Variants in TNRC18 observed in about 807,000 individuals in gnomAD.
TNRC18 encodes trinucleotide repeat containing 18, also known as trinucleotide repeat-containing gene 18 protein.
Under a neutral mutation model 226.7 loss-of-function variants are expected in TNRC18, and 69 were observed. That is an observed-to-expected ratio of 0.30 (90% CI 0.25 to 0.37). The LOEUF (loss-of-function observed/expected upper bound fraction) is 0.37, where lower values mean the gene tolerates loss of function less well. Ranked by LOEUF, TNRC18 falls within the 10% of genes least tolerant of loss-of-function variation. The pLI is 1.00. For synonymous variants in TNRC18, 2,449 were observed against 1,927.6 expected (o/e 1.27, Z -7.09); for missense variants, 4,754 against 4,256.6 (o/e 1.12, Z -3.25).
chr7:5,356,816 G>C (rs1792457660), intron 16 of TNRC18, 100 bp downstream of exon 16: 3 of 1,373,066 alleles, frequency 2.2e-6, no homozygotes, highest in South Asian at 3.0e-5. Flanking sequence ...GAGAGCGAGA[G>C]AGAGAGTGAG....
At chr7:5,359,319 A>G in intron 15 of TNRC18, 79 bp downstream of exon 15, 1 of 1,464,604 alleles carries the variant, frequency 6.8e-7, no homozygotes, top group South Asian at 1.2e-5. Context: ...AGGGCCTGCG[A>G]AGGGAGCGTG....
Position 5,370,808 on chromosome 7 carries a change from C to T in TNRC18, c.3786G>A (p.Val1262=). ...CCACGGGCACCGCCACAGGCACCTC[C>T]ACCGGCTCCTCCTTGGCCTCCACCA... ...ETLVEAKEEP[V]EVPVAVPVVE... is the part of the protein sequence containing the mutation. The change falls in exon 11 of 30, where the codon GTG becomes GTA. Residue 1262 remains valine, a synonymous_variant. Coordinates refer to ENST00000430969, the MANE Select transcript of TNRC18 (RefSeq NM_001080495.3). The T allele has an allele frequency of 1.2e-6, 2 of 1,608,442 alleles. No individual in the cohort carries two copies. Among genetic ancestry groups the T allele is most frequent in the Non-Finnish European group, 1.7e-6 (2 of 1,178,732 alleles).
chr7:5,381,440 A>G (rs1224181191), intron 5 of TNRC18, among the ~76,000 whole-genome samples: 4 of 151,992 alleles, frequency 2.6e-5, no homozygotes, highest in Non-Finnish European at 5.9e-5. Flanking sequence ...CCACCATCAG[A>G]GCTCAGCTTC....
intron 29 of TNRC18, 54 bp downstream of exon 29, chr7:5,308,821 C>T (rs545086125): frequency 2.1e-5 from 33 of 1,536,756 alleles, no homozygotes; most frequent in South Asian, 4.8e-5. Context: ...CTGAGCTGCC[C>T]GGAAGGAAGC....
rs772184332 is a variant in TNRC18 at position 5,308,117 on chromosome 7, C to T, written c.8896G>A (p.Val2966Met). 9.7e-6 allele frequency: 15 copies of T among 1,551,534 alleles called. No homozygotes were observed. In the Admixed American group the frequency reaches 9.8e-5, roughly 10 times the overall value. Residue 2966 changes from valine (V) to methionine (M), a missense_variant, in exon 30 of 30, where the codon GTG (valine) becomes ATG (methionine). Physicochemically the swap from Val to Met is conservative, Grantham distance 21. Coordinates refer to ENST00000430969, the MANE Select transcript of TNRC18 (RefSeq NM_001080495.3). The part of the protein sequence containing the change: ...GMIFSTDGVP[V>M]LC ...AGGGCCCGGCGGGCTCAGCAGAGCACGGGCACGCCGTCCGTGGAGAAGATC... is the reference window on the plus strand; with the variant it reads ...AGGGCCCGGCGGGCTCAGCAGAGCATGGGCACGCCGTCCGTGGAGAAGATC...
rs373378731 is a variant in TNRC18 at position 5,377,603 on chromosome 7, G to A, written c.2256-27C>T. On this transcript the variant is annotated intron_variant, in intron 6 of 29. Transcript: ENST00000430969. The surrounding 1 kb of genome is among the most constrained non-coding windows in gnomAD (Gnocchi z 5.8). ...TGGAAGGAGGATCATAGGTGTCAGC[G>A]ACAGCTCGGACAGCCCAGGGGACGA... 1.0e-4 allele frequency: 158 copies of A among 1,546,836 alleles called. 1 individual carries two copies. In the South Asian group the frequency reaches 1.6e-3, roughly 16 times the overall value.
chr7:5,389,029 GA>G lies in TNRC18; in HGVS notation c.794del (p.Phe265SerfsTer17). On this transcript the variant is annotated frameshift_variant, in exon 5 of 30. Coordinates refer to ENST00000430969, the MANE Select transcript of TNRC18 (RefSeq NM_001080495.3). LOFTEE classifies it high-confidence loss of function. ...PPRLAERLSP[F>X]LAESKTKNAA... ...CATTCTTGGTCTTGGACTCAGCCAG[GA>G]AGGGCGACAGGCGCTCAGCCAGGCG... 3 of 1,316,816 alleles carry G rather than the reference GA, an allele frequency of 2.3e-6. No homozygotes were observed. The highest frequency in any genetic ancestry group is 2.9e-6 in the Non-Finnish European group (3 of 1,023,744). 81.6% of individuals were successfully genotyped at this position (1,316,816 alleles called of 1,614,324 possible). A position where few individuals can be genotyped will look rare whatever the true frequency, so the allele number is the denominator to read the frequency against.
chr7:5,412,985 A>C (rs550716382), intron 2 of TNRC18, among the ~76,000 whole-genome samples: 73 of 152,312 alleles, frequency 4.8e-4, no homozygotes, highest in Non-Finnish European at 7.6e-4. Context: ...AGTGGCCTAG[A>C]CTTCCTCCCA....
rs967276996 is a variant in TNRC18, at chr7:5,388,318, C to A, written c.1506G>T (p.Pro502=). ...KLFGLEPGRP[P]PTGPEHKWKP... ...TCCATTTATGCTCAGGGCCGGTGGGCGGGGGGCGCCCGGGCTCCAGGCCGA... is the reference window on the plus strand; with the variant it reads ...TCCATTTATGCTCAGGGCCGGTGGGAGGGGGGCGCCCGGGCTCCAGGCCGA... Residue 502 remains proline, a synonymous_variant, in exon 5 of 30, where the codon CCG becomes CCT. Transcript: ENST00000430969. 5.2e-6 allele frequency: 4 copies of A among 768,338 alleles called. No individual in the cohort carries two copies. The African/African-American group carries it at 7.2e-5, about 14-fold the overall frequency. The allele number at this position is 768,338 out of a possible 1,614,324, so 47.6% of individuals were successfully genotyped here.
intron 2 of TNRC18, among the ~76,000 whole-genome samples, chr7:5,401,865 A>G (rs963711819): frequency 6.6e-6 from 1 of 152,054 alleles, no homozygotes; most frequent in Non-Finnish European, 1.5e-5. Context: ...AAGTGGGAGG[A>G]CCGCCGGGAG....
Position 5,389,248 on chromosome 7 carries a change from CGAG to C in TNRC18, c.573_575del (p.Ser192del). The C allele has an allele frequency of 1.5e-6, 2 of 1,316,516 alleles. No individual in the cohort carries two copies. Among genetic ancestry groups the C allele is most frequent in the South Asian group, 2.0e-5 (1 of 49,104 alleles). 81.6% of individuals were successfully genotyped at this position (1,316,516 alleles called of 1,614,324 possible). ...ACGACGAGCCTTTGGCCGGGGCGCC[CGAG>C]GAGTGGCCGCCGCCAGGGGTCCGGG... On this transcript the variant is annotated inframe_deletion, in exon 5 of 30. Coordinates refer to ENST00000430969, the MANE Select transcript of TNRC18 (RefSeq NM_001080495.3).
At chr7:5,339,990 T>C (rs775025082) in intron 18 of TNRC18, among the ~76,000 whole-genome samples, 1 of 152,018 alleles carries the variant, frequency 6.6e-6, no homozygotes, top group African/African-American at 2.4e-5. Flanking sequence ...AGCACAACAA[T>C]ACCGAAATTA....
intron 18 of TNRC18, among the ~76,000 whole-genome samples, chr7:5,345,253 G>A (rs923460076): frequency 2.6e-5 from 4 of 152,206 alleles, no homozygotes; most frequent in Non-Finnish European, 5.9e-5. Context: ...ACCCCAGGCT[G>A]GGTCAGGGAC....
chr7:5,330,796 C>G (rs1046877414), intron 19 of TNRC18, among the ~76,000 whole-genome samples: 4 of 152,140 alleles, frequency 2.6e-5, no homozygotes, highest in Admixed American at 2.6e-4. Context: ...GCCTCAGCCT[C>G]CTGAGTAGCT....
intron 2 of TNRC18, among the ~76,000 whole-genome samples, chr7:5,403,782 CCTGT>C (rs551550927): frequency 4.3e-4 from 64 of 150,378 alleles, no homozygotes; most frequent in African/African-American, 1.5e-3. Context: ...AGAGTGAGAC[CCTGT>C]CTGTTTAAAA....
chr7:5,393,104 T>C (rs895839892), intron 3 of TNRC18, among the ~76,000 whole-genome samples: 2 of 152,200 alleles, frequency 1.3e-5, no homozygotes, highest in African/African-American at 4.8e-5. Flanking sequence ...AAGCACCCTG[T>C]GTGTTTGTGG....
chr7:5,333,507 C>T (rs1271400815), intron 18 of TNRC18, among the ~76,000 whole-genome samples: 1 of 152,158 alleles, frequency 6.6e-6, no homozygotes, highest in African/African-American at 2.4e-5. Context: ...TCCCAGGAAT[C>T]GTCCACTCCC....
At chr7:5,339,742 G>A (rs376187768) in intron 18 of TNRC18, among the ~76,000 whole-genome samples, 1 of 150,424 alleles carries the variant, frequency 6.6e-6, no homozygotes, top group Non-Finnish European at 1.5e-5. Context: ...GATAATTTTT[G>A]TATTTTTAGT....
Position 5,322,086 on chromosome 7 carries a change from TA to T in TNRC18, c.6443-897del, listed in dbSNP as rs1329096623. On this transcript the variant is annotated intron_variant, in intron 21 of 29. Coordinates refer to ENST00000430969, the MANE Select transcript of TNRC18 (RefSeq NM_001080495.3). ...CAAGGTCAGAAGATCAAGACCATCC[TA>T]GCTAACATGGTGAAACCCTGTCTCT... Among the ~76,000 whole-genome samples the T allele has an allele frequency of 1.7e-4, 26 of 152,090 alleles. No homozygotes were observed. The East Asian group carries it at 3.0e-3, about 17-fold the overall frequency.
Sources: gnomAD v4.1 joint callset for allele counts (sites outside exome capture counted in the v4.1 genomes callset) on GRCh38, gnomAD v4.1.1 for gene constraint, Gnocchi (gnomAD v3.1) non-coding constraint, MANE v1.5 for transcripts, NCBI Gene and HGNC (gene_info 2026-07-23, HGNC 2026-07-21) for gene names.